Variants in TANGO6 observed in about 807,000 individuals in gnomAD.
TANGO6 encodes the protein transport and golgi organization 6 homolog.
In TANGO6, 90 loss-of-function variants were observed where a neutral mutation model predicts 114.2. The ratio of observed to expected loss-of-function variants is 0.79; its 90% confidence interval spans 0.66 to 0.94. The LOEUF is 0.94. TANGO6 is among the 40% of genes least tolerant of loss of function. TANGO6 has a pLI of 0.00. For missense variants in TANGO6, 1,274 were observed against 1,315.3 expected, an observed-to-expected ratio of 0.97 and a Z score of 0.49; for synonymous variants, 477 against 509.8, an observed-to-expected ratio of 0.94 and a Z score of 0.87.
chr16:69,031,011 G>A (rs957626581), intron 16 of TANGO6, among the ~76,000 whole-genome samples: 2 of 151,820 alleles, frequency 1.3e-5, no homozygotes, highest in Admixed American at 6.6e-5. Context: ...AACCAATATC[G>A]CACCACTACA....
intron 7 of TANGO6, among the ~76,000 whole-genome samples, chr16:68,883,958 G>A (rs535466883): frequency 5.3e-5 from 8 of 152,144 alleles, no homozygotes; most frequent in Admixed American, 5.2e-4. Context: ...TACCCAGGGT[G>A]GAGTGCAGTG....
At chr16:68,967,752 T>C (rs1813735312) in intron 14 of TANGO6, among the ~76,000 whole-genome samples, 1 of 152,208 alleles carries the variant, frequency 6.6e-6, no homozygotes, top group African/African-American at 2.4e-5. Flanking sequence ...AGTTGTTATC[T>C]GCCCAGGAGA....
chr16:69,022,761 A>T, intron 15 of TANGO6, 67 bp from the exon 16 acceptor site: 2 of 1,492,064 alleles, frequency 1.3e-6, no homozygotes, highest in Non-Finnish European at 1.8e-6. Context: ...TGGAAATATA[A>T]TTCTTCCTTT....
At chr16:69,078,435 A>T (rs993702178) in intron 17 of TANGO6, among the ~76,000 whole-genome samples, 12 of 152,204 alleles carry the variant, frequency 7.9e-5, no homozygotes, top group Non-Finnish European at 1.8e-4. Context: ...GGCCCAGACC[A>T]TGTGCTTGTT....
chr16:68,973,421 G>A (rs780546583), intron 14 of TANGO6, among the ~76,000 whole-genome samples: 16 of 152,302 alleles, frequency 1.1e-4, no homozygotes, highest in Non-Finnish European at 1.8e-4. Flanking sequence ...CAGGGGTTTT[G>A]TTCTGGATCT....
intron 17 of TANGO6, among the ~76,000 whole-genome samples, chr16:69,050,743 C>T (rs1005323881): frequency 6.6e-6 from 1 of 152,090 alleles, no homozygotes; most frequent in Non-Finnish European, 1.5e-5. Context: ...ACACCTCGGC[C>T]TCCCAAAGTG....
chr16:68,946,245 G>A (rs1037175786), intron 14 of TANGO6, among the ~76,000 whole-genome samples: 2 of 150,980 alleles, frequency 1.3e-5, no homozygotes, highest in South Asian at 4.2e-4. Context: ...AGGCTGGAGT[G>A]CAGTGGCACG....
chr16:69,060,914 C>T (rs1464990197), intron 17 of TANGO6, among the ~76,000 whole-genome samples: 3 of 151,852 alleles, frequency 2.0e-5, no homozygotes, highest in Non-Finnish European at 4.4e-5. Flanking sequence ...ATCACTTGAA[C>T]CCGGGAGGCA....
Position 69,083,506 on chromosome 16 carries a change from G to A in TANGO6, c.3130G>A (p.Asp1044Asn). 1.9e-6 allele frequency: 3 copies of A among 1,612,204 alleles called. No individual in the cohort carries two copies. Among genetic ancestry groups the A allele is most frequent in the Non-Finnish European group, 2.5e-6 (3 of 1,179,172 alleles). Reference sequence around the variant, plus strand: ...GCAGGTGCTGAGCGCCGTCCTCAAGGATCTCTACCACCTGCTGAAGCACGT... The same window carrying A: ...GCAGGTGCTGAGCGCCGTCCTCAAGAATCTCTACCACCTGCTGAAGCACGT... ...ATEVLSAVLK[D>N]LYHLLKHVVC... Residue 1044 changes from aspartate to asparagine, a missense_variant, in exon 18 of 18, where the codon GAT (aspartate) becomes AAT (asparagine). Transcript: ENST00000261778.
chr16:69,038,529 T>A (rs1281531647), intron 16 of TANGO6, among the ~76,000 whole-genome samples: 1 of 152,196 alleles, frequency 6.6e-6, no homozygotes, highest in Non-Finnish European at 1.5e-5. Flanking sequence ...TTTTTTCTCT[T>A]TTTAAAGCTT....
chr16:68,935,155 C>G (rs1963288105), intron 14 of TANGO6, among the ~76,000 whole-genome samples: 2 of 152,166 alleles, frequency 1.3e-5, no homozygotes, highest in Admixed American at 6.5e-5. Flanking sequence ...TAAAGCACTA[C>G]AGGAACAAAG....
intron 14 of TANGO6, among the ~76,000 whole-genome samples, chr16:68,954,694 C>T (rs1236285043): frequency 6.6e-6 from 1 of 152,178 alleles, no homozygotes; most frequent in East Asian, 1.9e-4. Context: ...GTTTGGATAT[C>T]TGTACAAATT....
intron 6 of TANGO6, among the ~76,000 whole-genome samples, chr16:68,880,049 T>G (rs1412661349): frequency 6.6e-6 from 1 of 152,026 alleles, no homozygotes; most frequent in Non-Finnish European, 1.5e-5. Context: ...CTCGGCTCAC[T>G]GCAACCTCCG....
chr16:68,946,820 T>C (rs1963419048), intron 14 of TANGO6, among the ~76,000 whole-genome samples: 1 of 152,198 alleles, frequency 6.6e-6, no homozygotes, highest in Non-Finnish European at 1.5e-5. Context: ...CTTTCATTGC[T>C]TGCACTTTTG....
intron 9 of TANGO6, among the ~76,000 whole-genome samples, chr16:68,907,099 ATTTTTTTTTTT>A (rs546359676): frequency 1.7e-5 from 2 of 114,608 alleles, no homozygotes; most frequent in Admixed American, 9.6e-5. Context: ...CCAGACCTTG[ATTTTTTTTTTT>A]TTTTTTTTTT....
intron 5 of TANGO6, among the ~76,000 whole-genome samples, chr16:68,877,646 C>T (rs1018297104): frequency 6.6e-6 from 1 of 151,412 alleles, no homozygotes; most frequent in African/African-American, 2.4e-5. Context: ...CTCGCTCTGT[C>T]GCCCAGGCTG....
chr16:68,866,408 G>T (rs1406982927), intron 3 of TANGO6, among the ~76,000 whole-genome samples: 1 of 151,338 alleles, frequency 6.6e-6, no homozygotes, highest in African/African-American at 2.4e-5. Flanking sequence ...TGGATCATGA[G>T]GTCAGGAGAT....
intron 17 of TANGO6, among the ~76,000 whole-genome samples, chr16:69,072,083 C>CGTGTGTGT (rs142254866): frequency 0.03 from 1,921 of 64,916 alleles, 133 homozygotes; most frequent in African/African-American, 0.11. Context: ...AGAGGGAGAC[C>CGTGTGTGT]GTGTGTGTGT....
intron 17 of TANGO6, among the ~76,000 whole-genome samples, chr16:69,047,311 A>G (rs1260044952): frequency 3.3e-5 from 5 of 152,152 alleles, no homozygotes; most frequent in Non-Finnish European, 5.9e-5. Flanking sequence ...CCTGGCCAAC[A>G]TGGCGAAACC....
Sources: allele counts gnomAD v4.1 joint callset (sites outside exome capture counted in the v4.1 genomes callset), GRCh38; gene constraint gnomAD v4.1.1; transcripts MANE v1.5; gene names NCBI Gene and HGNC (gene_info 2026-07-23, HGNC 2026-07-21).